The following HS6ST2 variants were observed in gnomAD, a reference collection of about 807,000 sequenced individuals.
HS6ST2 encodes heparan-sulfate 6-O-sulfotransferase 2.
In HS6ST2, 17 loss-of-function variants were observed where a neutral mutation model predicts 33.0. The ratio of observed to expected loss-of-function variants is 0.52; its 90% CI spans 0.35 to 0.77. HS6ST2 has a LOEUF of 0.77. HS6ST2 is among the 30% of genes least tolerant of loss of function. HS6ST2 has a pLI of 0.01. For synonymous variants in HS6ST2, 248 were observed against 237.1 expected, an observed-to-expected ratio of 1.05 and a Z score of -0.42; for missense variants, 519 against 551.7, an observed-to-expected ratio of 0.94 and a Z score of 0.59.
intron 2 of HS6ST2, among the ~76,000 whole-genome samples, chrX:132,780,811 C>T (rs1329269746): frequency 2.7e-5 from 3 of 111,891 alleles, no homozygotes; most frequent in Non-Finnish European, 3.8e-5. Flanking sequence ...CTACTCCGAG[C>T]CCCCAGCCTC....
chrX:132,826,234 T>C (rs1399211076), intron 2 of HS6ST2, among the ~76,000 whole-genome samples: 1 of 112,416 alleles, frequency 8.9e-6, no homozygotes, highest in African/African-American at 3.2e-5. Flanking sequence ...CAGAGTCATT[T>C]TTTGTTTTGG....
intron 2 of HS6ST2, among the ~76,000 whole-genome samples, chrX:132,824,553 A>G (rs1262846942): frequency 8.9e-6 from 1 of 112,371 alleles, no homozygotes; most frequent in African/African-American, 3.2e-5. Context: ...TGACTGCTCT[A>G]TGTTGTGAAT....
chrX:132,938,379 C>T (rs1008135716), intron 2 of HS6ST2, among the ~76,000 whole-genome samples: 1 of 109,632 alleles, frequency 9.1e-6, no homozygotes, highest in African/African-American at 3.3e-5. Flanking sequence ...CAGTGGCTCA[C>T]ACCTGTTATC....
At chrX:132,679,756 G>T (rs938098763) in intron 3 of HS6ST2, among the ~76,000 whole-genome samples, 1 of 108,466 alleles carries the variant, frequency 9.2e-6, no homozygotes, top group East Asian at 2.9e-4. Flanking sequence ...CACGCCTGGG[G>T]GGGGGCCAGT....
intron 2 of HS6ST2, among the ~76,000 whole-genome samples, chrX:132,728,812 G>T (rs746178169): frequency 8.9e-6 from 1 of 112,137 alleles, no homozygotes; most frequent in Non-Finnish European, 1.9e-5. Flanking sequence ...ATGAAAGTTC[G>T]ACATAAATCT....
intron 2 of HS6ST2, among the ~76,000 whole-genome samples, chrX:132,939,783 C>T (rs1208636157): frequency 9.0e-6 from 1 of 111,331 alleles, no homozygotes; most frequent in Non-Finnish European, 1.9e-5. Context: ...AAAATTAGCA[C>T]TGAAAGAATT....
chrX:132,661,490 A>AT (rs1286626365), intron 4 of HS6ST2, among the ~76,000 whole-genome samples: 1 of 111,781 alleles, frequency 8.9e-6, no homozygotes, highest in African/African-American at 3.2e-5. Flanking sequence ...TGACAAAAAA[A>AT]ATAGGAAAAG....
chrX:132,920,926 T>C lies in HS6ST2; in HGVS notation c.947+35882A>G, dbSNP rs1348078365. On this transcript the variant is annotated intron_variant, in intron 2 of 4. Coordinates refer to ENST00000370833, the MANE Select transcript of HS6ST2 (RefSeq NM_001394073.1). ...ATAAAGGCAATCTAACCACAGAAGG[T>C]CTGTTACTTTATCCTACATTGAAAG... is the stretch of plus-strand genomic sequence containing the variant. Among the ~76,000 whole-genome samples the C allele has an allele frequency of 1.2e-4, 13 of 112,521 alleles. No homozygotes were observed. In the Admixed American group the frequency reaches 1.2e-3, roughly 11 times the overall value.
chrX:132,886,219 A>T (rs780223381), intron 2 of HS6ST2, among the ~76,000 whole-genome samples: 1 of 112,094 alleles, frequency 8.9e-6, no homozygotes, highest in East Asian at 2.8e-4. Context: ...ACAAATTTTT[A>T]AAATCCTCAG....
rs185476437 is a variant in HS6ST2, at chrX:132,633,826, G to T, written c.1068-4733C>A. 5.4e-5 allele frequency among the ~76,000 whole-genome samples: 6 copies of T among 111,906 alleles called. No individual in the cohort carries two copies. In the Admixed American group the frequency reaches 5.7e-4, roughly 11 times the overall value. On this transcript the variant is annotated intron_variant, in intron 4 of 4. Coordinates refer to ENST00000370833, the MANE Select transcript of HS6ST2 (RefSeq NM_001394073.1). ...AGCTTCAAGGCCCCGCTATCCTGTT[G>T]TCTGCCTGCAAGTGCATTCCACTTT... is the stretch of plus-strand genomic sequence containing the variant.
At chrX:132,866,420 C>T (rs1405584710) in intron 2 of HS6ST2, among the ~76,000 whole-genome samples, 1 of 90,783 alleles carries the variant, frequency 1.1e-5, no homozygotes, top group Non-Finnish European at 2.2e-5. Context: ...TGTGATGCCT[C>T]CAGCTTTGTT....
At chrX:132,710,094 T>A (rs945546997) in intron 2 of HS6ST2, among the ~76,000 whole-genome samples, 1 of 111,388 alleles carries the variant, frequency 9.0e-6, no homozygotes, top group African/African-American at 3.3e-5. Flanking sequence ...TTATAAAATT[T>A]GCCTGGTGAT....
chrX:132,649,156 T>C (rs944103567), intron 4 of HS6ST2, among the ~76,000 whole-genome samples: 7 of 111,868 alleles, frequency 6.3e-5, no homozygotes, highest in South Asian at 3.8e-4. Context: ...CAATGAGGCA[T>C]TGAGATTCTT....
intron 3 of HS6ST2, among the ~76,000 whole-genome samples, chrX:132,671,036 A>C (rs1426904658): frequency 2.7e-5 from 3 of 111,772 alleles, no homozygotes; most frequent in Non-Finnish European, 5.7e-5. Context: ...GACTCACCAG[A>C]ATGTGGCCAC....
chrX:132,947,749 C>T (rs1443993148), intron 2 of HS6ST2, among the ~76,000 whole-genome samples: 1 of 111,723 alleles, frequency 9.0e-6, no homozygotes, highest in Non-Finnish European at 1.9e-5. Flanking sequence ...GTTTAGTCAA[C>T]TCCTATTTAT....
rs752994148 is a variant in HS6ST2, at chrX:132,744,229, A to G, written c.948-35735T>C. On this transcript the variant is annotated intron_variant, in intron 2 of 4. Coordinates refer to ENST00000370833, the MANE Select transcript of HS6ST2 (RefSeq NM_001394073.1). ...ATCAACCCTATGAAGTACATAATAT[A>G]TTTACTCCTATGGCTGGAGGAAGCA... Among the ~76,000 whole-genome samples the G allele has an allele frequency of 3.6e-5, 4 of 111,816 alleles. No individual in the cohort carries two copies. In the Admixed American group the frequency reaches 3.8e-4, roughly 11 times the overall value.
intron 2 of HS6ST2, among the ~76,000 whole-genome samples, chrX:132,916,548 C>G (rs1413773262): frequency 8.9e-6 from 1 of 111,864 alleles, no homozygotes; most frequent in Non-Finnish European, 1.9e-5. Flanking sequence ...TATGGGTAGA[C>G]CCACCCTCAA....
At chrX:132,883,910 T>C in intron 2 of HS6ST2, among the ~76,000 whole-genome samples, 1 of 112,478 alleles carries the variant, frequency 8.9e-6, no homozygotes, top group South Asian at 3.7e-4. Context: ...TCTGTCTTCC[T>C]AGACTGGTTC....
chrX:132,939,436 C>A (rs1328078629), intron 2 of HS6ST2, among the ~76,000 whole-genome samples: 3 of 110,401 alleles, frequency 2.7e-5, no homozygotes, highest in Admixed American at 2.0e-4. Flanking sequence ...ACCAGACTGG[C>A]CAACATGGTG....
Sources: gnomAD v4.1 joint callset for allele counts (sites outside exome capture counted in the v4.1 genomes callset) on GRCh38, gnomAD v4.1.1 for gene constraint, MANE v1.5 for transcripts, NCBI Gene and HGNC (gene_info 2026-07-23, HGNC 2026-07-21) for gene names.